BUD23: variants seen among roughly 807,000 people sequenced by gnomAD.
BUD23 encodes the protein BUD23 rRNA methyltransferase and ribosome maturation factor, also known as 18S rRNA (guanine-N(7))-methyltransferase.
In BUD23, 34 loss-of-function variants were observed where a neutral mutation model predicts 47.0. That is an observed-to-expected ratio of 0.72 (90% CI 0.55 to 0.96). The LOEUF (loss-of-function observed/expected upper bound fraction) is 0.96. BUD23 is among the 40% of genes least tolerant of loss of function. BUD23 has a pLI of 0.00. For missense variants in BUD23, 343 were observed against 361.2 expected (o/e 0.95, Z 0.41); for synonymous variants, 124 against 132.0 (o/e 0.94, Z 0.41).
In BUD23 at chr7:73,687,021, A is replaced by T. The variant is rs782289551; in HGVS notation, c.288A>T (p.Ile96=). The T allele has an allele frequency of 3.7e-6, 6 of 1,614,184 alleles. No homozygotes were observed. The South Asian group carries it at 6.6e-5, about 18-fold the overall frequency. Residue 96 remains isoleucine, a synonymous_variant, in exon 5 of 12, where the codon ATA becomes ATT. Coordinates refer to ENST00000265758, the MANE Select transcript of BUD23 (RefSeq NM_017528.5). ...AMLDEAVDRE[I]EGDLLLGDMG... ...TAGATGAGGCTGTGGACCGAGAGAT[A>T]GAGGGAGACCTGCTGCTGGGGGATA...
In BUD23 at chr7:73,683,687, C is replaced by T; in HGVS notation, c.48+14C>T. 2 of 1,613,812 alleles carry T rather than the reference C, an allele frequency of 1.2e-6. No homozygotes were observed. The highest frequency in any genetic ancestry group is 1.7e-6 in the Non-Finnish European group (2 of 1,179,962). ...CCCCCAGAGCTGGTAAGTCCCGGGG[C>T]CCGCGGACACCCCTCTCCCCACTTC... On this transcript the variant is annotated intron_variant, in intron 1 of 11. Transcript: ENST00000265758.
chr7:73,689,491 A>G (rs1798106030), intron 5 of BUD23, among the ~76,000 whole-genome samples: 1 of 152,128 alleles, frequency 6.6e-6, no homozygotes, highest in Admixed American at 6.5e-5. Flanking sequence ...AACTGAATAT[A>G]AGGGCATGAG....
At chr7:73,684,628 T>TGGGGGGGG (rs1797874176) in intron 2 of BUD23, among the ~76,000 whole-genome samples, 38 of 33,252 alleles carry the variant, frequency 1.1e-3, no homozygotes, top group African/African-American at 2.8e-3. Flanking sequence ...GGGGGGGGGA[T>TGGGGGGGG]GGGGGCGGGG....
At chr7:73,687,182 G>A in intron 5 of BUD23, 87 bp downstream of exon 5, 1 of 1,374,876 alleles carries the variant, frequency 7.3e-7, no homozygotes, top group East Asian at 2.4e-5. Context: ...CTGTGATTAT[G>A]GCTCACACTG....
Position 73,691,025 on chromosome 7 carries a change from T to C in BUD23, c.459+13T>C. The C allele has an allele frequency of 6.2e-7, 1 of 1,612,202 alleles. No individual in the cohort carries two copies. On this transcript the variant is annotated intron_variant, in intron 6 of 11. Coordinates refer to ENST00000265758, the MANE Select transcript of BUD23 (RefSeq NM_017528.5). ...TTTTTCTGTTCTCGTGAGTATAAGA[T>C]CTTCTCCCCATCTGGGTTAGCTGCC...
chr7:73,688,941 C>T (rs2116681970), intron 5 of BUD23, among the ~76,000 whole-genome samples: 1 of 152,212 alleles, frequency 6.6e-6, no homozygotes, highest in Non-Finnish European at 1.5e-5. Flanking sequence ...TGGTAATGGT[C>T]AGATGAGGTG....
In BUD23 at chr7:73,690,987, T is replaced by C; in HGVS notation, c.434T>C (p.Phe145Ser). 1 of 1,614,196 alleles carries C rather than the reference T, an allele frequency of 6.2e-7. No homozygotes were observed. The highest frequency in any genetic ancestry group is 8.5e-7 in the Non-Finnish European group (1 of 1,180,032). Residue 145 changes from phenylalanine to serine, a missense_variant, in exon 6 of 12, where the codon TTT (phenylalanine) becomes TCT (serine). Physicochemically the swap from Phe to Ser is radical, Grantham distance 155. Transcript: ENST00000265758. ...AACCCTGCCAAGCGCCTGTACTGCT[T>C]TTTTGCTTCTCTTTTTTCTGTTCTC... is the stretch of plus-strand genomic sequence containing the variant. ...SENPAKRLYC[F>S]FASLFSVLVR...
intron 5 of BUD23, among the ~76,000 whole-genome samples, chr7:73,690,043 C>T (rs561139067): frequency 2.0e-5 from 3 of 152,180 alleles, no homozygotes; most frequent in African/African-American, 7.2e-5. Flanking sequence ...GAGTCTTGCT[C>T]TGTTGTCCAG....
chr7:73,697,449 G>A (rs1053812618), intron 10 of BUD23, 156 bp from the exon 11 acceptor site: 49 of 1,539,636 alleles, frequency 3.2e-5, no homozygotes, highest in Middle Eastern at 1.7e-4. Flanking sequence ...TGTCCAGAGC[G>A]GGGAATTGTG....
In BUD23 at chr7:73,686,811, C is replaced by T. The variant is rs1348279116; in HGVS notation, c.183-7C>T. The T allele has an allele frequency of 3.7e-6, 6 of 1,614,012 alleles. No homozygotes were observed. Among genetic ancestry groups the T allele is most frequent in the Non-Finnish European group, 4.2e-6 (5 of 1,180,010 alleles). On this transcript the variant is annotated splice_polypyrimidine_tract_variant and splice_region_variant and intron_variant, in intron 3 of 11. Coordinates refer to ENST00000265758, the MANE Select transcript of BUD23 (RefSeq NM_017528.5). ...ACTGACCCTGAGTGTCTGGTCATGT[C>T]TTCCAGCTGTGGCACTGGGCTGAGT...
At chr7:73,685,313 C>CT (rs1359448024) in intron 2 of BUD23, among the ~76,000 whole-genome samples, 1 of 152,068 alleles carries the variant, frequency 6.6e-6, no homozygotes, top group South Asian at 2.1e-4. Context: ...GATACTGTTT[C>CT]TTTTTTTTAG....
intron 5 of BUD23, 88 bp from the exon 6 acceptor site, chr7:73,690,828 G>A (rs973079827): frequency 3.8e-6 from 4 of 1,054,952 alleles, no homozygotes; most frequent in Non-Finnish European, 4.4e-6. Context: ...CTCTTGGAGA[G>A]CCAGGACGGA....
Position 73,693,424 on chromosome 7 carries a change from G to A in BUD23, c.596+10G>A. On this transcript the variant is annotated intron_variant, in intron 8 of 11. Coordinates refer to ENST00000265758, the MANE Select transcript of BUD23 (RefSeq NM_017528.5). ...GTGCCAAAGCAAAGAAGTGAGCGCT[G>A]GGGGCCGGTGTGCTGCCTGGGCTGC... 2 of 1,614,036 alleles carry A rather than the reference G, an allele frequency of 1.2e-6. No individual in the cohort carries two copies. The highest frequency in any genetic ancestry group is 1.7e-6 in the Non-Finnish European group (2 of 1,179,936).
chr7:73,693,186 T>C (rs1216446111), intron 7 of BUD23, 143 bp from the exon 8 acceptor site: 4 of 742,008 alleles, frequency 5.4e-6, no homozygotes, highest in African/African-American at 3.5e-5. Flanking sequence ...CCTGTACTTT[T>C]CTCTACGTGG....
In BUD23 at chr7:73,683,650, G is replaced by C. The variant is rs1554612067; in HGVS notation, c.25G>C (p.Glu9Gln). The change falls in exon 1 of 12, where the codon GAG becomes CAG. Residue 9 changes from glutamate (E) to glutamine (Q), a missense_variant. Coordinates refer to ENST00000265758, the MANE Select transcript of BUD23 (RefSeq NM_017528.5). ...AATGGCGTCCCGCGGCCGGCGTCCG[G>C]AGCATGGCGGACCCCCAGAGCTGGT... MASRGRRP[E>Q]HGGPPELFYD... 3.7e-6 allele frequency: 6 copies of C among 1,612,654 alleles called. No homozygotes were observed. The African/African-American group carries it at 8.0e-5, about 22-fold the overall frequency.
rs782655196 is a variant in BUD23 at position 73,683,627 on chromosome 7, T to TGGCGTCCCGCGGCC, written c.10_23dup (p.Glu9_?8). ...CAGGTGTGCTGCTGAGGCGTGAGAA[T>TGGCGTCCCGCGGCC]GGCGTCCCGCGGCCGGCGTCCGGAG... is the stretch of plus-strand genomic sequence containing the variant. On this transcript the variant is annotated frameshift_variant and start_lost, in exon 1 of 12. Transcript: ENST00000265758. LOFTEE classifies it high-confidence loss of function. 4.3e-5 allele frequency: 70 copies of TGGCGTCCCGCGGCC among 1,609,460 alleles called. No individual in the cohort carries two copies. The highest frequency in any genetic ancestry group is 5.9e-5 in the Non-Finnish European group (69 of 1,178,422).
chr7:73,690,594 A>G (rs1554613838), intron 5 of BUD23, among the ~76,000 whole-genome samples: 3 of 152,174 alleles, frequency 2.0e-5, no homozygotes. Flanking sequence ...TTGTAGAGTC[A>G]TGACCTGCAG....
At chr7:73,693,938 G>A in intron 9 of BUD23, 54 bp from the exon 10 acceptor site, 1 of 1,604,600 alleles carries the variant, frequency 6.2e-7, no homozygotes, top group East Asian at 2.2e-5. Flanking sequence ...CTGGAGTGGG[G>A]CAGATGGTTT....
intron 9 of BUD23, 123 bp from the exon 10 acceptor site, chr7:73,693,869 C>A (rs1798290583): frequency 7.2e-7 from 1 of 1,392,768 alleles, no homozygotes; most frequent in Non-Finnish European, 1.0e-6. Context: ...GTGTCAGTTC[C>A]TTCTCGTGGG....
Sources: allele counts gnomAD v4.1 joint callset (sites outside exome capture counted in the v4.1 genomes callset), GRCh38; gene constraint gnomAD v4.1.1; transcripts MANE v1.5; gene names NCBI Gene and HGNC (gene_info 2026-07-23, HGNC 2026-07-21).